The following SV2C variants were observed in gnomAD, a reference collection of about 807,000 sequenced individuals.
The protein encoded by SV2C is solute carrier family 22 member B3.
A neutral mutation model predicts 79.7 loss-of-function variants in SV2C; 49 were observed. That is an observed-to-expected ratio of 0.61 (90% CI 0.49 to 0.78). The LOEUF (loss-of-function observed/expected upper bound fraction) is 0.78. Among genes scored for constraint, SV2C ranks in the 30% least tolerant of loss-of-function variants. The pLI, the probability that SV2C is intolerant of heterozygous loss-of-function variation, is 0.00. For synonymous variants in SV2C, 334 were observed against 333.2 expected (o/e 1.00, Z -0.03); for missense variants, 833 against 912.9 (o/e 0.91, Z 1.13).
Position 76,325,551 on chromosome 5 carries a change from G to GA in SV2C, c.*11dup, listed in dbSNP as rs779155256. ...ACGAACCCAGGTTCTGATGTAATGGGAAAAAAAGCCATCCTTCCTGCGTTT... is the reference window on the plus strand; with the variant it reads ...ACGAACCCAGGTTCTGATGTAATGGGAAAAAAAAGCCATCCTTCCTGCGTTT... On this transcript the variant is annotated 3_prime_UTR_variant, in exon 13 of 13. Transcript: ENST00000502798. 1.1e-5 allele frequency: 18 copies of GA among 1,610,808 alleles called. No individual in the cohort carries two copies. In the African/African-American group the frequency reaches 1.3e-4, roughly 12 times the overall value.
chr5:76,151,424 A>G (rs907097456), intron 2 of SV2C, among the ~76,000 whole-genome samples: 3 of 152,168 alleles, frequency 2.0e-5, no homozygotes, highest in Admixed American at 1.3e-4. Context: ...TGACATGGTG[A>G]AATGTCATTT....
chr5:75,963,845 T>A, the SV2C span, among the ~76,000 whole-genome samples: 1 of 152,148 alleles, frequency 6.6e-6, no homozygotes, highest in African/African-American at 2.4e-5. Flanking sequence ...AGTGTTTCTC[T>A]CATATTTTTC....
the SV2C span, among the ~76,000 whole-genome samples, chr5:76,038,505 G>A: frequency 6.6e-6 from 1 of 152,092 alleles, no homozygotes; most frequent in African/African-American, 2.4e-5. Flanking sequence ...GTTGTGGGGT[G>A]GAAGTAATAT....
At chr5:76,266,313 C>A (rs536462719) in intron 4 of SV2C, among the ~76,000 whole-genome samples, 1 of 152,210 alleles carries the variant, frequency 6.6e-6, no homozygotes, top group South Asian at 2.1e-4. Flanking sequence ...GATCAAGGGA[C>A]TCTCCTGCCT....
chr5:76,174,121 T>C, intron 2 of SV2C: 1 of 1,602,432 alleles, frequency 6.2e-7, no homozygotes, highest in Non-Finnish European at 8.6e-7. Flanking sequence ...GAACAAATTG[T>C]ACAGTCAAAG....
chr5:76,204,880 A>G (rs186337788), intron 3 of SV2C, among the ~76,000 whole-genome samples: 196 of 152,332 alleles, frequency 1.3e-3, no homozygotes, highest in African/African-American at 4.4e-3. Context: ...ATTCACAGTC[A>G]GGCTTCCCAG....
chr5:75,931,124 C>T, the SV2C span, among the ~76,000 whole-genome samples: 4 of 152,158 alleles, frequency 2.6e-5, no homozygotes, highest in African/African-American at 9.7e-5. Context: ...CAGACCAAGA[C>T]TCGGTCTTTA....
intron 3 of SV2C, among the ~76,000 whole-genome samples, chr5:76,201,380 G>A (rs747691872): frequency 8.5e-5 from 13 of 152,162 alleles, no homozygotes; most frequent in Admixed American, 1.3e-4. Context: ...TATCAGAGTC[G>A]GGAGCTTCTC....
the SV2C span, among the ~76,000 whole-genome samples, chr5:75,924,892 C>G: frequency 6.6e-6 from 1 of 151,226 alleles, no homozygotes; most frequent in Non-Finnish European, 1.5e-5. Flanking sequence ...GAAGCTAGTA[C>G]AAAACAAAAG....
intron 2 of SV2C, chr5:76,173,574 T>C: frequency 6.5e-7 from 1 of 1,545,422 alleles, no homozygotes; most frequent in Non-Finnish European, 8.9e-7. Flanking sequence ...CTGGCACTGT[T>C]GAATTGGGCA....
chr5:75,853,209 G>A, the SV2C span, among the ~76,000 whole-genome samples: 2 of 152,028 alleles, frequency 1.3e-5, no homozygotes, highest in African/African-American at 4.8e-5. Context: ...GCATAATACC[G>A]AATACTAGAA....
chr5:76,031,650 C>T, the SV2C span, among the ~76,000 whole-genome samples: 4 of 152,138 alleles, frequency 2.6e-5, no homozygotes, highest in South Asian at 4.1e-4. Context: ...TAAAAGACTG[C>T]CTGAGACCTT....
chr5:76,265,771 A>G (rs1746633589), intron 4 of SV2C, among the ~76,000 whole-genome samples: 1 of 151,350 alleles, frequency 6.6e-6, no homozygotes, highest in Non-Finnish European at 1.5e-5. Flanking sequence ...GTGACACCCC[A>G]CCCTGCTTCT....
chr5:76,085,826 T>TACACACACAC (rs34074817), intron 1 of SV2C, among the ~76,000 whole-genome samples: 4,427 of 141,906 alleles, frequency 0.031, 102 homozygotes, highest in South Asian at 0.073. Context: ...ACAAAGCCCC[T>TACACACACAC]ACACACACAC....
At chr5:75,944,494 T>C in the SV2C span, among the ~76,000 whole-genome samples, 4 of 152,098 alleles carry the variant, frequency 2.6e-5, no homozygotes, top group Non-Finnish European at 2.9e-5. Flanking sequence ...CCCCTAGTTA[T>C]AACTAAAGCT....
the SV2C span, among the ~76,000 whole-genome samples, chr5:75,990,346 T>G: frequency 6.6e-6 from 1 of 151,970 alleles, no homozygotes; most frequent in South Asian, 2.1e-4. Flanking sequence ...GGGGTCCAGT[T>G]TCAATCTTCT....
intron 3 of SV2C, among the ~76,000 whole-genome samples, chr5:76,205,227 A>G (rs536381836): frequency 6.6e-6 from 1 of 152,056 alleles, no homozygotes; most frequent in Non-Finnish European, 1.5e-5. Flanking sequence ...GATTCATTCT[A>G]GAAATGTGTT....
At chr5:76,029,376 C>A in the SV2C span, among the ~76,000 whole-genome samples, 5 of 152,302 alleles carry the variant, frequency 3.3e-5, no homozygotes, top group African/African-American at 1.2e-4. Flanking sequence ...TCTCCCCAAC[C>A]CCCTAACCTC....
At chr5:76,033,818 A>C in the SV2C span, among the ~76,000 whole-genome samples, 314 of 152,034 alleles carry the variant, frequency 2.1e-3, 4 homozygotes, top group African/African-American at 7.2e-3. Flanking sequence ...GATGGCATTG[A>C]ATCTGTAAAT....
Sources: gnomAD v4.1 joint callset for allele counts (sites outside exome capture counted in the v4.1 genomes callset) on GRCh38, gnomAD v4.1.1 for gene constraint, MANE v1.5 for transcripts, NCBI Gene and HGNC (gene_info 2026-07-23, HGNC 2026-07-21) for gene names.